Variants in SLC22A16 observed in about 807,000 individuals in gnomAD.
SLC22A16 encodes WUGSC:RG331P03.1.
SLC22A16 carries 53 observed loss-of-function variants against 52.9 expected under a neutral mutation model. The observed-to-expected ratio is 1.00, with a 90% CI of 0.80 to 1.26. The LOEUF (loss-of-function observed/expected upper bound fraction) is 1.26. SLC22A16 is among the 50% of genes most tolerant of loss of function. The pLI is 0.00. For missense variants in SLC22A16, 726 were observed against 704.0 expected, an observed-to-expected ratio of 1.03 and a Z score of -0.35; for synonymous variants, 291 against 268.8, an observed-to-expected ratio of 1.08 and a Z score of -0.81.
intron 1 of SLC22A16, chr6:110,476,299 C>T: frequency 7.4e-7 from 1 of 1,342,888 alleles, no homozygotes; most frequent in Non-Finnish European, 9.6e-7. Context: ...CCGAGCGAGC[C>T]CAGCGCCTCT....
intron 7 of SLC22A16, 148 bp downstream of exon 7, chr6:110,431,023 G>A: frequency 1.6e-6 from 1 of 627,622 alleles, no homozygotes; most frequent in East Asian, 2.9e-5. Flanking sequence ...TCACCAACTG[G>A]CCAGCTGTTG....
intron 6 of SLC22A16, among the ~76,000 whole-genome samples, chr6:110,434,326 G>A (rs1334248238): frequency 6.6e-6 from 1 of 152,088 alleles, no homozygotes; most frequent in Non-Finnish European, 1.5e-5. Flanking sequence ...TCTTGCACCA[G>A]GTACTTGATC....
intron 2 of SLC22A16, among the ~76,000 whole-genome samples, chr6:110,452,364 A>G (rs1421564958): frequency 6.6e-6 from 1 of 152,210 alleles, no homozygotes. Flanking sequence ...ACTACAAATA[A>G]TGACTTTTTA....
intron 1 of SLC22A16, among the ~76,000 whole-genome samples, chr6:110,459,301 A>G (rs188404088): frequency 6.6e-6 from 1 of 152,304 alleles, no homozygotes; most frequent in Non-Finnish European, 1.5e-5. Context: ...GAAACTTGCA[A>G]ACACTAAAGT....
At position 110,442,734 on chromosome 6, in the gene SLC22A16, C is replaced by T. The variant is rs1775026476; in HGVS notation, c.693G>A (p.Met231Ile). The stretch of plus-strand genomic sequence containing the variant: ...TCCGAGACTTCATGCCAATGAATTC[C>T]ATCACATAGACAAACCCCACCACAA... ...GYLVVGFVYV[M>I]EFIGMKSRTW... The change falls in exon 4 of 8, where the codon ATG becomes ATA. Residue 231 changes from methionine to isoleucine, a missense_variant. Coordinates refer to ENST00000368919, the MANE Select transcript of SLC22A16 (RefSeq NM_033125.4). 1 of 1,614,034 alleles carries T rather than the reference C, an allele frequency of 6.2e-7. No individual in the cohort carries two copies. Among genetic ancestry groups the T allele is most frequent in the Non-Finnish European group, 8.5e-7 (1 of 1,179,982 alleles).
intron 3 of SLC22A16, among the ~76,000 whole-genome samples, chr6:110,445,567 T>G (rs1218683569): frequency 6.6e-6 from 1 of 152,098 alleles, no homozygotes; most frequent in Non-Finnish European, 1.5e-5. Flanking sequence ...CACAAATCCA[T>G]TCCCCATGAA....
At chr6:110,437,769 C>A (rs1356286581) in intron 5 of SLC22A16, among the ~76,000 whole-genome samples, 4 of 148,870 alleles carry the variant, frequency 2.7e-5, no homozygotes, top group Non-Finnish European at 5.9e-5. Context: ...AGAGGGGAAG[C>A]ACTTCTGGAT....
rs1255836160 is a variant in SLC22A16, at chr6:110,424,917, T to A, written c.1690A>T (p.Lys564Ter). The change falls in exon 8 of 8, where the codon AAA becomes TAA. Residue 564 changes from lysine (K) to a stop codon, truncating the protein, a stop_gained. Coordinates refer to ENST00000368919, the MANE Select transcript of SLC22A16 (RefSeq NM_033125.4). LOFTEE classifies it low-confidence loss of function (END_TRUNC). Reference sequence around the variant, plus strand: ...TCCCTGGGGGTAATCGCTTCCGTTTTTTCCAGCCCACTATTATTAGTTGTG... The same window carrying A: ...TCCCTGGGGGTAATCGCTTCCGTTTATTCCAGCCCACTATTATTAGTTGTG... ...LLTTNNSGLE[K>*]TEAITPRDSG... 3 of 1,614,082 alleles carry A rather than the reference T, an allele frequency of 1.9e-6. No homozygotes were observed. The highest frequency in any genetic ancestry group is 2.5e-6 in the Non-Finnish European group (3 of 1,180,034).
In SLC22A16 at chr6:110,431,077, T is replaced by G. The variant is rs147228326; in HGVS notation, c.1521+94A>C. Reference sequence around the variant, plus strand: ...CAAACCCCATTAGGAAATGATGTACTGGCTTTCAGTAAATAACAATAGAGA... The same window carrying G: ...CAAACCCCATTAGGAAATGATGTACGGGCTTTCAGTAAATAACAATAGAGA... On this transcript the variant is annotated intron_variant, in intron 7 of 7. Coordinates refer to ENST00000368919, the MANE Select transcript of SLC22A16 (RefSeq NM_033125.4). 549 of 1,033,136 alleles carry G rather than the reference T, an allele frequency of 5.3e-4. 5 individuals carry two copies. The African/African-American group carries it at 7.9e-3, about 15-fold the overall frequency. The allele number at this position is 1,033,136 out of a possible 1,614,324, so 64.0% of individuals were successfully genotyped here.
chr6:110,424,698 G>A lies in SLC22A16; in HGVS notation c.*175C>T. 2.6e-6 allele frequency: 2 copies of A among 765,732 alleles called. No homozygotes were observed. The highest frequency in any genetic ancestry group is 2.2e-5 in the South Asian group (1 of 45,854). The allele number at this position is 765,732 out of a possible 1,614,324, so 47.4% of individuals were successfully genotyped here. On this transcript the variant is annotated 3_prime_UTR_variant, in exon 8 of 8. Coordinates refer to ENST00000368919, the MANE Select transcript of SLC22A16 (RefSeq NM_033125.4). ...CAATAAGAAAGCAGTTTTTAAAACT[G>A]AGAATTTTCATCTTAGTTTTTATTT...
intron 1 of SLC22A16, among the ~76,000 whole-genome samples, chr6:110,470,159 A>C (rs1431813360): frequency 6.6e-6 from 1 of 152,214 alleles, no homozygotes; most frequent in African/African-American, 2.4e-5. Context: ...CATGGCAATA[A>C]GAGGCATGAA....
At chr6:110,437,354 T>A (rs1244354308) in intron 5 of SLC22A16, among the ~76,000 whole-genome samples, 1 of 152,136 alleles carries the variant, frequency 6.6e-6, no homozygotes, top group Non-Finnish European at 1.5e-5. Context: ...CTTCACCAAC[T>A]TAAAGGCAGC....
At chr6:110,467,188 GT>G (rs890962260) in intron 1 of SLC22A16, among the ~76,000 whole-genome samples, 11 of 151,540 alleles carry the variant, frequency 7.3e-5, no homozygotes, top group Non-Finnish European at 2.9e-5. Context: ...CTCTCTCTGC[GT>G]TTTTTTTCCC....
chr6:110,454,306 C>A lies in SLC22A16; in HGVS notation c.533+2232G>T, dbSNP rs541923075. On this transcript the variant is annotated intron_variant, in intron 2 of 7. Coordinates refer to ENST00000368919, the MANE Select transcript of SLC22A16 (RefSeq NM_033125.4). ...GAAGACTACAAGAGGTGCAAGGAGG[C>A]TGTCTCTTTCAACAAATTCCGCCGA... 5.9e-5 allele frequency among the ~76,000 whole-genome samples: 9 copies of A among 151,982 alleles called. 1 individual carries two copies. The highest frequency in any genetic ancestry group is 1.9e-4 in the African/African-American group (8 of 41,426).
chr6:110,470,214 C>T (rs1776213714), intron 1 of SLC22A16, among the ~76,000 whole-genome samples: 1 of 152,118 alleles, frequency 6.6e-6, no homozygotes, highest in Non-Finnish European at 1.5e-5. Context: ...GCCTAAGGAG[C>T]ACCCTATAAT....
At chr6:110,476,326 C>A (rs957105878) in intron 1 of SLC22A16, 196 bp downstream of exon 1, 2 of 1,379,086 alleles carry the variant, frequency 1.5e-6, no homozygotes. Context: ...CATGCCAGGT[C>A]CCGCTGCCAG....
intron 6 of SLC22A16, among the ~76,000 whole-genome samples, chr6:110,432,275 T>A (rs185660221): frequency 3.9e-5 from 6 of 152,296 alleles, no homozygotes; most frequent in African/African-American, 9.6e-5. Context: ...GTTAAAGATT[T>A]CCTGTATTAA....
At chr6:110,461,084 G>A (rs1331211022) in intron 1 of SLC22A16, among the ~76,000 whole-genome samples, 3 of 152,176 alleles carry the variant, frequency 2.0e-5, no homozygotes, top group African/African-American at 7.2e-5. Flanking sequence ...TTTTCACAGT[G>A]GCTGCATCCC....
At position 110,456,733 on chromosome 6, in the gene SLC22A16, C is replaced by A; in HGVS notation, c.338G>T (p.Gly113Val). 4 of 1,614,126 alleles carry A rather than the reference C, an allele frequency of 2.5e-6. No individual in the cohort carries two copies. Among genetic ancestry groups the A allele is most frequent in the Non-Finnish European group, 3.4e-6 (4 of 1,180,012 alleles). Residue 113 changes from glycine to valine, a missense_variant, in exon 2 of 8, where the codon GGC (glycine) becomes GTC (valine). Physicochemically the swap from Gly to Val is moderately radical, Grantham distance 109 (BLOSUM62 -3). Transcript: ENST00000368919. The stretch of plus-strand genomic sequence containing the variant: ...TTTCTTACTGCCAGTGTATTCATAG[C>A]CCAAACTCGATGTGTTCTCCCTCTT... ...RNKRENTSSL[G>V]YEYTGSKKEF...
Sources: allele counts gnomAD v4.1 joint callset (sites outside exome capture counted in the v4.1 genomes callset), GRCh38; gene constraint gnomAD v4.1.1; transcripts MANE v1.5; gene names NCBI Gene and HGNC (gene_info 2026-07-23, HGNC 2026-07-21).